MAGI3: variants seen among roughly 807,000 people sequenced by gnomAD.
MAGI3 encodes membrane associated guanylate kinase, WW and PDZ domain containing 3.
MAGI3 carries 43 observed loss-of-function variants against 121.8 expected under a neutral mutation model. The ratio of observed to expected loss-of-function variants is 0.35; its 90% CI spans 0.28 to 0.46. The LOEUF (loss-of-function observed/expected upper bound fraction) is 0.46. Among genes scored for constraint, MAGI3 ranks in the 20% least tolerant of loss-of-function variants. MAGI3 has a pLI of 1.00. For synonymous variants in MAGI3, 553 were observed against 639.3 expected (o/e 0.86, Z 2.04); for missense variants, 1,547 against 1,797.3 (o/e 0.86, Z 2.52).
At chr1:113,392,845 A>G (rs1371864782) in intron 1 of MAGI3, among the ~76,000 whole-genome samples, 2 of 152,228 alleles carry the variant, frequency 1.3e-5, no homozygotes, top group South Asian at 4.1e-4. Context: ...TCAGCTAGTC[A>G]GGCACTGTCT....
intron 8 of MAGI3, 63 bp from the exon 9 acceptor site, chr1:113,622,743 C>A: frequency 1.6e-6 from 2 of 1,282,372 alleles, no homozygotes; most frequent in Non-Finnish European, 2.1e-6. Flanking sequence ...AAAAGATTGA[C>A]TCTGAGTGCT....
intron 16 of MAGI3, among the ~76,000 whole-genome samples, chr1:113,664,029 C>T (rs1653916723): frequency 6.6e-6 from 1 of 152,090 alleles, no homozygotes; most frequent in Admixed American, 6.5e-5. Context: ...CTATTTAAAT[C>T]CTTTGCCATT....
intron 2 of MAGI3, among the ~76,000 whole-genome samples, chr1:113,569,053 A>T (rs1039606553): frequency 2.0e-5 from 3 of 152,196 alleles, no homozygotes; most frequent in African/African-American, 7.2e-5. Context: ...AGTACAAAAA[A>T]GTTTACATGT....
At chr1:113,566,984 A>T (rs1660457764) in intron 2 of MAGI3, among the ~76,000 whole-genome samples, 1 of 151,886 alleles carries the variant, frequency 6.6e-6, no homozygotes, top group Non-Finnish European at 1.5e-5. Flanking sequence ...AAAAGAAAAA[A>T]ATCAACCAAA....
At chr1:113,666,114 T>C (rs978420224) in intron 16 of MAGI3, among the ~76,000 whole-genome samples, 1 of 152,228 alleles carries the variant, frequency 6.6e-6, no homozygotes, top group Non-Finnish European at 1.5e-5. Context: ...ATCTTTATGC[T>C]GATGGAGGGT....
intron 3 of MAGI3, chr1:113,581,197 C>T (rs1402864420): frequency 2.0e-5 from 3 of 152,054 alleles, no homozygotes; most frequent in Non-Finnish European, 4.4e-5. Context: ...CTATTTTTCC[C>T]CTTATGTAAC....
chr1:113,682,433 A>G, intron 20 of MAGI3: 1 of 1,389,238 alleles, frequency 7.2e-7, no homozygotes, highest in South Asian at 1.8e-5. Flanking sequence ...TTGACAGCTT[A>G]ATGCAAGAGA....
intron 1 of MAGI3, among the ~76,000 whole-genome samples, chr1:113,410,085 C>T (rs777594023): frequency 3.9e-5 from 6 of 152,132 alleles, no homozygotes; most frequent in Non-Finnish European, 7.4e-5. Context: ...TGAAGATGGT[C>T]TTTCTCCATG....
chr1:113,496,692 G>A (rs35511181), intron 1 of MAGI3, among the ~76,000 whole-genome samples: 29,634 of 152,018 alleles, frequency 0.19, 3,656 homozygotes, highest in South Asian at 0.4. Context: ...ATTTTCAATT[G>A]TTTAAACTTT....
chr1:113,546,395 C>T (rs1339231881), intron 1 of MAGI3, among the ~76,000 whole-genome samples: 2 of 152,064 alleles, frequency 1.3e-5, no homozygotes, highest in Non-Finnish European at 2.9e-5. Flanking sequence ...GAAGTGCAGC[C>T]GCACGATCTT....
intron 1 of MAGI3, among the ~76,000 whole-genome samples, chr1:113,413,747 G>A (rs980139936): frequency 1.3e-5 from 2 of 152,146 alleles, no homozygotes; most frequent in African/African-American, 2.4e-5. Flanking sequence ...CGACTTTGCC[G>A]AGGTTGCTTA....
At chr1:113,410,944 A>G (rs887082176) in intron 1 of MAGI3, among the ~76,000 whole-genome samples, 1 of 152,128 alleles carries the variant, frequency 6.6e-6, no homozygotes, top group African/African-American at 2.4e-5. Flanking sequence ...AAAAAGTACT[A>G]TATGTAAAAA....
rs1415709456 is a variant in MAGI3, at chr1:113,658,927, G to A, written c.2630-153G>A. Among the ~76,000 whole-genome samples, 9 of 152,178 alleles carry A rather than the reference G, an allele frequency of 5.9e-5. No homozygotes were observed. The highest frequency in any genetic ancestry group is 4.1e-4 in the South Asian group (2 of 4,834). The stretch of plus-strand genomic sequence containing the variant: ...AAGTGAGAAGTATGAAAATAGTTCC[G>A]TTTGGATGCGATGATGACGTGTGGT... On this transcript the variant is annotated intron_variant, in intron 15 of 20. Coordinates refer to ENST00000307546, the MANE Select transcript of MAGI3 (RefSeq NM_001142782.2). This position sits in a 1 kb window ranked among gnomAD's most constrained non-coding sequence, Gnocchi z 4.0.
At chr1:113,595,601 A>G (rs1207970452) in intron 6 of MAGI3, among the ~76,000 whole-genome samples, 3 of 152,242 alleles carry the variant, frequency 2.0e-5, no homozygotes, top group Non-Finnish European at 2.9e-5. Flanking sequence ...TTCTAGGAAG[A>G]AGCAATCAGA....
At chr1:113,585,654 T>A in intron 4 of MAGI3, 58 bp downstream of exon 4, 1 of 1,467,502 alleles carries the variant, frequency 6.8e-7, no homozygotes, top group South Asian at 1.3e-5. Flanking sequence ...TACTATTACG[T>A]TGAATTAAAA....
chr1:113,443,635 A>C (rs187696788), intron 1 of MAGI3, among the ~76,000 whole-genome samples: 1 of 152,238 alleles, frequency 6.6e-6, no homozygotes. Flanking sequence ...TAACTGGTAC[A>C]ATCCCATCCG....
chr1:113,420,262 T>G (rs1252465536), intron 1 of MAGI3, among the ~76,000 whole-genome samples: 1 of 152,184 alleles, frequency 6.6e-6, no homozygotes, highest in African/African-American at 2.4e-5. Context: ...AACCCTGAGA[T>G]CAAATGATTC....
intron 1 of MAGI3, among the ~76,000 whole-genome samples, chr1:113,429,548 C>T (rs1570663412): frequency 6.6e-6 from 1 of 152,242 alleles, no homozygotes; most frequent in South Asian, 2.1e-4. Context: ...AGTCTGATTG[C>T]TTGTGAAGGT....
intron 16 of MAGI3, among the ~76,000 whole-genome samples, chr1:113,666,645 G>A (rs1282502997): frequency 1.3e-5 from 2 of 152,134 alleles, no homozygotes; most frequent in Admixed American, 6.5e-5. Flanking sequence ...CCAAATTCCC[G>A]TTAATGTTGA....
Sources: gnomAD v4.1 joint callset for allele counts (sites outside exome capture counted in the v4.1 genomes callset) on GRCh38, gnomAD v4.1.1 for gene constraint, Gnocchi (gnomAD v3.1) non-coding constraint, MANE v1.5 for transcripts, NCBI Gene and HGNC (gene_info 2026-07-23, HGNC 2026-07-21) for gene names.